The following MCF2L2 variants were observed in gnomAD, a reference collection of about 807,000 sequenced individuals.
The protein encoded by MCF2L2 is probable guanine nucleotide exchange factor MCF2L2.
In MCF2L2, 102 loss-of-function variants were observed where a neutral mutation model predicts 150.2. The observed-to-expected ratio is 0.68, with a 90% CI of 0.58 to 0.80. The LOEUF (loss-of-function observed/expected upper bound fraction) is 0.80. MCF2L2 is among the 30% of genes least tolerant of loss of function. The pLI is 0.00. For synonymous variants in MCF2L2, 465 were observed against 491.3 expected (o/e 0.95, Z 0.71); for missense variants, 1,256 against 1,372.8 (o/e 0.91, Z 1.34).
chr3:183,355,961 T>C (rs981365614), intron 3 of MCF2L2, among the ~76,000 whole-genome samples: 5 of 151,788 alleles, frequency 3.3e-5, no homozygotes, highest in Non-Finnish European at 7.4e-5. Context: ...CCCTTGTGAA[T>C]AAAGAGCAGC....
chr3:183,275,224 A>G (rs1727094655), intron 15 of MCF2L2, among the ~76,000 whole-genome samples: 1 of 152,216 alleles, frequency 6.6e-6, no homozygotes, highest in Non-Finnish European at 1.5e-5. Context: ...TTCTGAAGGC[A>G]ACCATGCCTT....
intron 3 of MCF2L2, among the ~76,000 whole-genome samples, chr3:183,344,636 T>C (rs762365876): frequency 6.6e-6 from 1 of 152,074 alleles, no homozygotes; most frequent in Non-Finnish European, 1.5e-5. Flanking sequence ...ACTGGCAAAT[T>C]GGATAAAGAG....
chr3:183,272,596 C>T, intron 15 of MCF2L2: 3 of 995,888 alleles, frequency 3.0e-6, no homozygotes, highest in Non-Finnish European at 3.6e-6. Flanking sequence ...AATGTCAAAA[C>T]TACAGTGTCA....
chr3:183,242,068 T>G (rs1724051567), intron 15 of MCF2L2, among the ~76,000 whole-genome samples: 1 of 152,236 alleles, frequency 6.6e-6, no homozygotes, highest in African/African-American at 2.4e-5. Flanking sequence ...CAGAAGACAC[T>G]TCTAAGCAGC....
intron 1 of MCF2L2, among the ~76,000 whole-genome samples, chr3:183,404,765 A>C (rs1280409200): frequency 6.6e-6 from 1 of 152,184 alleles, no homozygotes; most frequent in Non-Finnish European, 1.5e-5. Context: ...CGGGAGGCTG[A>C]GGCAGAAGAA....
At chr3:183,389,310 G>C (rs150076652) in intron 2 of MCF2L2, among the ~76,000 whole-genome samples, 12 of 152,150 alleles carry the variant, frequency 7.9e-5, no homozygotes, top group South Asian at 4.1e-4. Flanking sequence ...CCTCAGCAAC[G>C]CTCGGGAACC....
intron 10 of MCF2L2, among the ~76,000 whole-genome samples, 174 bp downstream of exon 10, chr3:183,309,542 A>G (rs1729265211): frequency 6.6e-6 from 1 of 152,112 alleles, no homozygotes; most frequent in Non-Finnish European, 1.5e-5. Context: ...TGCTGCCCGT[A>G]TTATTCATAG....
At chr3:183,359,003 G>GTTTTTTTTTTTTTTTTTTTTT (rs111465269) in intron 3 of MCF2L2, among the ~76,000 whole-genome samples, 1 of 143,372 alleles carries the variant, frequency 7.0e-6, no homozygotes. Flanking sequence ...AGTTCATTGG[G>GTTTTTTTTTTTTTTTTTTTTT]TTTTTTTTTT....
In MCF2L2 at chr3:183,192,983, A is replaced by G; in HGVS notation, c.3016+16T>C. On this transcript the variant is annotated intron_variant, in intron 27 of 29. Coordinates refer to ENST00000328913, the MANE Select transcript of MCF2L2 (RefSeq NM_015078.4). ...CACTGCTTCTGTGCTCCACTCTCCC[A>G]TGGGACCCTCCCTACCTTTAATCCC... is the stretch of plus-strand genomic sequence containing the variant. 6.2e-7 allele frequency: 1 copy of G among 1,605,870 alleles called. No homozygotes were observed. The highest frequency in any genetic ancestry group is 8.5e-7 in the Non-Finnish European group (1 of 1,172,836).
At position 183,290,533 on chromosome 3, in the gene MCF2L2, C is replaced by CTTT. The variant is rs1209415171; in HGVS notation, c.1676-1316_1676-1314dup. Among the ~76,000 whole-genome samples, 68 of 151,420 alleles carry CTTT rather than the reference C, an allele frequency of 4.5e-4. 1 individual carries two copies. The highest frequency in any genetic ancestry group is 1.6e-3 in the African/African-American group (67 of 40,954). On this transcript the variant is annotated intron_variant, in intron 13 of 29. Coordinates refer to ENST00000328913, the MANE Select transcript of MCF2L2 (RefSeq NM_015078.4). Reference sequence around the variant, plus strand: ...CCAGGCAGGATTTGAGCATTTCTTTCTTTCTTTCTTTTTTTTTTTGAGACA... The same window carrying CTTT: ...CCAGGCAGGATTTGAGCATTTCTTTCTTTTTTCTTTCTTTTTTTTTTTGAGACA...
intron 3 of MCF2L2, among the ~76,000 whole-genome samples, chr3:183,364,418 G>T (rs574468118): frequency 2.1e-4 from 32 of 152,124 alleles, no homozygotes; most frequent in Non-Finnish European, 4.4e-4. Context: ...TACTCAGGAG[G>T]CTGAGGCAGG....
rs187471654 is a variant in MCF2L2, at chr3:183,414,217, C to T, written c.76+13685G>A. On this transcript the variant is annotated intron_variant, in intron 1 of 29. Coordinates refer to ENST00000328913, the MANE Select transcript of MCF2L2 (RefSeq NM_015078.4). Reference sequence around the variant, plus strand: ...CCATCTGGTCCTGAGCTTTTTTGTGCGGGTGGGTAAGTTTTTAAAAAATTA... The same window carrying T: ...CCATCTGGTCCTGAGCTTTTTTGTGTGGGTGGGTAAGTTTTTAAAAAATTA... 6.0e-4 allele frequency among the ~76,000 whole-genome samples: 92 copies of T among 152,120 alleles called. 1 individual carries two copies. In the East Asian group the frequency reaches 0.015, roughly 25 times the overall value.
chr3:183,356,796 A>C (rs1446949995), intron 3 of MCF2L2, among the ~76,000 whole-genome samples: 1 of 152,236 alleles, frequency 6.6e-6, no homozygotes, highest in Non-Finnish European at 1.5e-5. Context: ...TGAGGTGAAC[A>C]AACAGAACAG....
intron 2 of MCF2L2, among the ~76,000 whole-genome samples, chr3:183,386,525 G>C (rs1172231667): frequency 6.6e-6 from 1 of 152,242 alleles, no homozygotes; most frequent in African/African-American, 2.4e-5. Context: ...CAGGCAGCTA[G>C]GGCTGCATTG....
intron 1 of MCF2L2, among the ~76,000 whole-genome samples, chr3:183,394,462 G>C (rs1314611294): frequency 6.6e-6 from 1 of 152,234 alleles, no homozygotes; most frequent in Non-Finnish European, 1.5e-5. Context: ...CTCTGGACCA[G>C]AGGCTCAGAG....
intron 25 of MCF2L2, 104 bp from the exon 26 acceptor site, chr3:183,195,359 T>G: frequency 1.4e-6 from 1 of 719,476 alleles, no homozygotes; most frequent in South Asian, 1.8e-5. Context: ...AAGAGAATAC[T>G]ATAAAAATAT....
At chr3:183,359,632 C>T (rs1025483981) in intron 3 of MCF2L2, among the ~76,000 whole-genome samples, 5 of 152,066 alleles carry the variant, frequency 3.3e-5, no homozygotes, top group Non-Finnish European at 5.9e-5. Context: ...ACCCTTAGGT[C>T]GATGAAAATA....
At chr3:183,221,599 A>G (rs1232971060) in intron 20 of MCF2L2, among the ~76,000 whole-genome samples, 1 of 152,154 alleles carries the variant, frequency 6.6e-6, no homozygotes. Flanking sequence ...CTGAGGGAGG[A>G]AGGACCATCA....
In MCF2L2 at chr3:183,282,368, C is replaced by T. The variant is rs139626080; in HGVS notation, c.1777-5411G>A. 9.7e-3 allele frequency among the ~76,000 whole-genome samples: 1,478 copies of T among 151,938 alleles called. 21 individuals are homozygous for T. The highest frequency in any genetic ancestry group is 0.034 in the African/African-American group (1,398 of 41,412). On this transcript the variant is annotated intron_variant, in intron 14 of 29. Transcript: ENST00000328913. ...TAATTTTTTGTATTTTTAGTAGAGA[C>T]GGGGTTTCACCATGTTAGCCAGGAT... is the stretch of plus-strand genomic sequence containing the variant.
Sources: gnomAD v4.1 joint callset for allele counts (sites outside exome capture counted in the v4.1 genomes callset) on GRCh38, gnomAD v4.1.1 for gene constraint, MANE v1.5 for transcripts, NCBI Gene and HGNC (gene_info 2026-07-23, HGNC 2026-07-21) for gene names.